RYK: variants seen among roughly 807,000 people sequenced by gnomAD.
RYK encodes receptor like tyrosine kinase, also known as inactive tyrosine-protein kinase RYK.
A neutral mutation model predicts 70.2 loss-of-function variants in RYK; 21 were observed. The observed-to-expected ratio is 0.30, with a 90% CI of 0.21 to 0.43. The LOEUF (loss-of-function observed/expected upper bound fraction) is 0.43, where lower values mean the gene tolerates loss of function less well. Among genes scored for constraint, RYK ranks in the 20% least tolerant of loss-of-function variants. RYK has a pLI of 1.00. For missense variants in RYK, 604 were observed against 753.3 expected, an observed-to-expected ratio of 0.80 and a Z score of 2.32; for synonymous variants, 267 against 278.0, an observed-to-expected ratio of 0.96 and a Z score of 0.39.
rs912662449 is a variant in RYK at position 134,191,795 on chromosome 3, T to C, written c.1015+54A>G. 4 of 1,447,324 alleles carry C rather than the reference T, an allele frequency of 2.8e-6. No individual in the cohort carries two copies. In the African/African-American group the frequency reaches 5.8e-5, roughly 21 times the overall value. 89.7% of individuals were successfully genotyped at this position (1,447,324 alleles called of 1,614,324 possible). ...TTTTTAAATTTTTGAAAAAAGTGTC[T>C]ATAGTGGTAACATTAAATCATACTT... On this transcript the variant is annotated intron_variant, in intron 8 of 14. Transcript: ENST00000623711.
At chr3:134,233,970 C>T (rs1204470309) in intron 1 of RYK, among the ~76,000 whole-genome samples, 2 of 151,970 alleles carry the variant, frequency 1.3e-5, no homozygotes, top group Non-Finnish European at 2.9e-5. Context: ...AATATATATT[C>T]ATATGCATGT....
chr3:134,178,251 A>G (rs2013174566), intron 10 of RYK, 178 bp from the exon 11 acceptor site: 2 of 506,940 alleles, frequency 3.9e-6, no homozygotes, highest in Non-Finnish European at 6.8e-6. Flanking sequence ...AGTGTCCCCT[A>G]TATATGTGCA....
intron 2 of RYK, among the ~76,000 whole-genome samples, chr3:134,216,493 T>C (rs1396831108): frequency 6.6e-6 from 1 of 151,974 alleles, no homozygotes; most frequent in Non-Finnish European, 1.5e-5. Context: ...TTTTCAGATA[T>C]CTAAAATAGC....
intron 1 of RYK, among the ~76,000 whole-genome samples, chr3:134,232,889 T>G (rs575735665): frequency 6.6e-6 from 1 of 152,216 alleles, no homozygotes; most frequent in East Asian, 1.9e-4. Flanking sequence ...TAACTTTCAG[T>G]GAGAAAGAAA....
At chr3:134,234,465 T>C (rs1445446443) in intron 1 of RYK, among the ~76,000 whole-genome samples, 2 of 152,124 alleles carry the variant, frequency 1.3e-5, no homozygotes, top group South Asian at 2.1e-4. Flanking sequence ...TGGAAAAAAT[T>C]TCCACATGCA....
intron 2 of RYK, among the ~76,000 whole-genome samples, chr3:134,216,246 C>T (rs1448595834): frequency 6.6e-6 from 1 of 152,168 alleles, no homozygotes; most frequent in Non-Finnish European, 1.5e-5. Flanking sequence ...AGTGAATACA[C>T]TTGTCTACAG....
intron 3 of RYK, among the ~76,000 whole-genome samples, chr3:134,210,755 C>T (rs2014366651): frequency 6.6e-6 from 1 of 152,152 alleles, no homozygotes; most frequent in African/African-American, 2.4e-5. Context: ...TATCCTGCAC[C>T]ATACTCTATG....
intron 1 of RYK, among the ~76,000 whole-genome samples, chr3:134,239,827 G>GA (rs1198154982): frequency 6.6e-6 from 1 of 152,262 alleles, no homozygotes; most frequent in Non-Finnish European, 1.5e-5. Context: ...TGATAGCACA[G>GA]AGAGGCACTG....
intron 2 of RYK, 121 bp downstream of exon 2, chr3:134,222,297 C>G (rs906786219): frequency 2.0e-6 from 2 of 1,004,628 alleles, no homozygotes; most frequent in African/African-American, 3.3e-5. Flanking sequence ...AGACTCAGTA[C>G]TATTATATCA....
intron 1 of RYK, among the ~76,000 whole-genome samples, chr3:134,232,727 G>A (rs546947146): frequency 1.8e-4 from 28 of 152,264 alleles, no homozygotes; most frequent in African/African-American, 4.8e-4. Context: ...AAATTTTCAC[G>A]CATCAAATTA....
At chr3:134,247,431 C>T (rs935684064) in intron 1 of RYK, among the ~76,000 whole-genome samples, 2 of 152,162 alleles carry the variant, frequency 1.3e-5, no homozygotes, top group Non-Finnish European at 2.9e-5. Context: ...AAGCCGGATG[C>T]GGTGGCTCAC....
At chr3:134,185,821 T>G (rs142316638) in intron 9 of RYK, among the ~76,000 whole-genome samples, 2 of 152,324 alleles carry the variant, frequency 1.3e-5, no homozygotes, top group East Asian at 3.9e-4. Context: ...TGTGTCATTT[T>G]ATACTTACTT....
At chr3:134,221,601 A>G (rs2014739295) in intron 2 of RYK, among the ~76,000 whole-genome samples, 1 of 152,208 alleles carries the variant, frequency 6.6e-6, no homozygotes, top group Non-Finnish European at 1.5e-5. Flanking sequence ...TTAAAAATCT[A>G]TATTAAAGTG....
At chr3:134,221,377 G>C (rs797010800) in intron 2 of RYK, among the ~76,000 whole-genome samples, 28 of 151,414 alleles carry the variant, frequency 1.8e-4, no homozygotes, top group African/African-American at 5.8e-4. Context: ...GCTAATTTTC[G>C]TATTTTTAGT....
intron 4 of RYK, 75 bp downstream of exon 4, chr3:134,209,620 G>A: frequency 8.9e-7 from 1 of 1,123,896 alleles, no homozygotes. Context: ...ACTTAAATCT[G>A]TGAAAAAACA....
At chr3:134,232,528 T>C (rs1365425589) in intron 1 of RYK, among the ~76,000 whole-genome samples, 2 of 152,180 alleles carry the variant, frequency 1.3e-5, no homozygotes, top group Admixed American at 6.5e-5. Flanking sequence ...CCAAAATAAA[T>C]TGTAAATTTA....
chr3:134,159,432 C>T (rs1240257632), intron 13 of RYK, 59 bp from the exon 14 acceptor site: 67 of 1,482,574 alleles, frequency 4.5e-5, no homozygotes, highest in Non-Finnish European at 5.7e-5. Context: ...AGGGGGCTAG[C>T]GCCCACAGCC....
At chr3:134,199,059 C>G (rs998221432) in intron 6 of RYK, among the ~76,000 whole-genome samples, 1 of 152,144 alleles carries the variant, frequency 6.6e-6, no homozygotes, top group Non-Finnish European at 1.5e-5. Context: ...TGCAGGACTT[C>G]AGGGTGAATG....
chr3:134,177,908 T>C, intron 11 of RYK, 33 bp downstream of exon 11: 8 of 1,580,476 alleles, frequency 5.1e-6, no homozygotes, highest in South Asian at 1.2e-5. Flanking sequence ...AAACTACTGG[T>C]AAATAATTGG....
Sources: allele counts gnomAD v4.1 joint callset (sites outside exome capture counted in the v4.1 genomes callset), GRCh38; gene constraint gnomAD v4.1.1; transcripts MANE v1.5; gene names NCBI Gene and HGNC (gene_info 2026-07-23, HGNC 2026-07-21).